CABP1: variants seen among roughly 807,000 people sequenced by gnomAD.
The protein encoded by CABP1 is calcium-binding protein 1.
Under a neutral mutation model 34.3 loss-of-function variants are expected in CABP1, and 17 were observed. That is an observed-to-expected ratio of 0.50 (90% CI 0.34 to 0.74). The LOEUF is 0.74. Ranked by LOEUF, CABP1 falls within the 30% of genes least tolerant of loss-of-function variation. The probability of loss-of-function intolerance (pLI) is 0.01; values close to 1 mark genes in which losing one functional copy is unlikely to be tolerated. For synonymous variants in CABP1, 198 were observed against 229.2 expected (o/e 0.86, Z 1.23); for missense variants, 373 against 511.1 (o/e 0.73, Z 2.61).
rs766423306 is a variant in CABP1 at position 120,661,238 on chromosome 12, G to A, written c.1087+20G>A. On this transcript the variant is annotated intron_variant, in intron 5 of 5. Transcript: ENST00000316803. The surrounding 1 kb of genome is among the most constrained non-coding windows in gnomAD (Gnocchi z 5.1). ...TTGAAGGTAGGTGGGGCTTGAAAGT[G>A]GGAGAGAAGCAAGCCAGCAGTGGCC... 9.4e-6 allele frequency: 15 copies of A among 1,599,084 alleles called. No homozygotes were observed. The highest frequency in any genetic ancestry group is 1.3e-5 in the Non-Finnish European group (15 of 1,177,808).
downstream of CABP1, among the ~76,000 whole-genome samples, chr12:120,668,919 A>T (rs933186493): frequency 1.3e-4 from 20 of 152,076 alleles, no homozygotes; most frequent in Non-Finnish European, 2.5e-4. Context: ...GATCTGGGCC[A>T]CCCCCGCAGT....
the CABP1 span, among the ~76,000 whole-genome samples, chr12:120,673,749 A>G: frequency 6.6e-6 from 1 of 152,168 alleles, no homozygotes; most frequent in Non-Finnish European, 1.5e-5. Flanking sequence ...AGATGATGTT[A>G]TAGGGAGGCA....
chr12:120,660,252 C>T lies in CABP1; in HGVS notation c.742C>T (p.Arg248Trp). 6.2e-7 allele frequency: 1 copy of T among 1,614,166 alleles called. No homozygotes were observed. ...GGACAAGGATGGCTACATCAACTGC[C>T]GGGATCTGGGCAACTGCATGCGCAC... ...DKDKDGYINC[R>W]DLGNCMRTMG... Residue 248 changes from arginine to tryptophan, a missense_variant, in exon 3 of 6, where the codon CGG (arginine) becomes TGG (tryptophan). Arg to Trp is a moderately radical substitution (Grantham distance 101). Around this residue, in one of 4 missense-constraint regions of CABP1, gnomAD observed 109 missense variants for 204.8 expected, o/e 0.53. Transcript: ENST00000316803. This position sits in a 1 kb window ranked among gnomAD's most constrained non-coding sequence, Gnocchi z 5.0.
the CABP1 span, among the ~76,000 whole-genome samples, chr12:120,679,073 C>CAAA: frequency 3.2e-3 from 278 of 86,804 alleles, no homozygotes; most frequent in Admixed American, 3.8e-3. Flanking sequence ...ACACCATCTC[C>CAAA]AAAAAAAAAA....
At chr12:120,644,906 G>A (rs1018243217) in intron 1 of CABP1, among the ~76,000 whole-genome samples, 1 of 152,216 alleles carries the variant, frequency 6.6e-6, no homozygotes, top group African/African-American at 2.4e-5. Flanking sequence ...CAAGATTCAA[G>A]CCATTCACGT....
intron 1 of CABP1, among the ~76,000 whole-genome samples, chr12:120,653,228 CCAT>C (rs1879958778): frequency 6.6e-6 from 1 of 152,194 alleles, no homozygotes; most frequent in Non-Finnish European, 1.5e-5. Flanking sequence ...ACTGCCACCA[CCAT>C]CATCATCGCC....
chr12:120,643,740 T>G (rs1260339847), intron 1 of CABP1, among the ~76,000 whole-genome samples: 1 of 152,224 alleles, frequency 6.6e-6, no homozygotes, highest in Non-Finnish European at 1.5e-5. Flanking sequence ...CAAGTCTATT[T>G]CTTTACCTGC....
intron 1 of CABP1, among the ~76,000 whole-genome samples, chr12:120,650,874 G>T (rs1879801707): frequency 7.3e-6 from 1 of 137,202 alleles, no homozygotes; most frequent in African/African-American, 2.5e-5. Context: ...TTTGGGCATG[G>T]CGGTCGGGGT....
At chr12:120,658,302 C>T (rs1241323509) in intron 1 of CABP1, among the ~76,000 whole-genome samples, 2 of 151,684 alleles carry the variant, frequency 1.3e-5, no homozygotes, top group Non-Finnish European at 1.5e-5. Flanking sequence ...CTCACTATAT[C>T]GCCCAGGCTG....
At chr12:120,671,278 G>A (rs902519236), downstream of CABP1, among the ~76,000 whole-genome samples, 3 of 152,186 alleles carry the variant, frequency 2.0e-5, no homozygotes, top group Admixed American at 6.6e-5. Flanking sequence ...GGTGGTGCGC[G>A]CCTGCAATCC....
intron 1 of CABP1, chr12:120,656,336 G>C (rs866865211): frequency 1.4e-6 from 2 of 1,427,118 alleles, no homozygotes; most frequent in Non-Finnish European, 1.9e-6. Flanking sequence ...GAGGTGCTGG[G>C]ATGAAGAAGG....
Position 120,661,221 on chromosome 12 carries a change from A to T in CABP1, c.1087+3A>T. 1 of 1,604,558 alleles carries T rather than the reference A, an allele frequency of 6.2e-7. No individual in the cohort carries two copies. Among genetic ancestry groups the T allele is most frequent in the Non-Finnish European group, 8.5e-7 (1 of 1,179,048 alleles). ...GGATGGACGAGTGGACTTTGAAGGT[A>T]GGTGGGGCTTGAAAGTGGGAGAGAA... On this transcript the variant is annotated splice_donor_region_variant and intron_variant, in intron 5 of 5. Transcript: ENST00000316803. The surrounding 1 kb of genome is among the most constrained non-coding windows in gnomAD (Gnocchi z 5.1).
intron 1 of CABP1, among the ~76,000 whole-genome samples, chr12:120,644,508 G>T (rs1879464479): frequency 6.6e-6 from 1 of 152,168 alleles, no homozygotes; most frequent in Non-Finnish European, 1.5e-5. Flanking sequence ...GCAGAGGCAT[G>T]ATGACATGGG....
At chr12:120,652,463 G>C (rs933885949) in intron 1 of CABP1, among the ~76,000 whole-genome samples, 34 of 151,918 alleles carry the variant, frequency 2.2e-4, no homozygotes, top group African/African-American at 8.2e-4. Context: ...AGAGAAAGAA[G>C]CTGGACTCAG....
At chr12:120,665,160 T>C (rs1291181027) in intron 5 of CABP1, among the ~76,000 whole-genome samples, 2 of 152,020 alleles carry the variant, frequency 1.3e-5, no homozygotes, top group Non-Finnish European at 2.9e-5. Context: ...CAGTGGCACA[T>C]GCCTGTAATC....
chr12:120,676,429 TCTTC>T, the CABP1 span, among the ~76,000 whole-genome samples: 4 of 149,096 alleles, frequency 2.7e-5, no homozygotes, highest in Middle Eastern at 3.4e-3. Context: ...TCTTTCTTCT[TCTTC>T]TTTTTTTTTT....
At position 120,650,829 on chromosome 12, in the gene CABP1, A is replaced by G. The variant is rs1879798893; in HGVS notation, c.655-9049A>G. On this transcript the variant is annotated intron_variant, in intron 1 of 5. Transcript: ENST00000316803. ...GGGCTGCCTCCCTGCTTCTACCCCAAACACCCTCCTATTGCCGTTTTCTGT... is the reference window on the plus strand; with the variant it reads ...GGGCTGCCTCCCTGCTTCTACCCCAGACACCCTCCTATTGCCGTTTTCTGT... 3 of 789,904 alleles carry G rather than the reference A, an allele frequency of 3.8e-6. 1 individual carries two copies. The highest frequency in any genetic ancestry group is 5.2e-5 in the East Asian group (2 of 38,300). 48.9% of individuals were successfully genotyped at this position (789,904 alleles called of 1,614,324 possible). A position where few individuals can be genotyped will look rare whatever the true frequency, so the allele number is the denominator to read the frequency against.
intron 1 of CABP1, chr12:120,650,792 G>C: frequency 8.7e-7 from 1 of 1,153,936 alleles, no homozygotes; most frequent in Non-Finnish European, 1.3e-6. Flanking sequence ...TCCTTCCCAG[G>C]GGTTCTGTCC....
In CABP1 at chr12:120,657,033, C is replaced by T. The variant is rs371767972; in HGVS notation, c.655-2845C>T. Among the ~76,000 whole-genome samples, 32 of 152,312 alleles carry T rather than the reference C, an allele frequency of 2.1e-4. No individual in the cohort carries two copies. In the South Asian group the frequency reaches 4.8e-3, roughly 23 times the overall value. On this transcript the variant is annotated intron_variant, in intron 1 of 5. Transcript: ENST00000316803. ...GTGCTCCTAATGACAACTCTGTATA[C>T]GTGGCACTGTCCGGTAGAACTTTCT...
Sources: allele counts gnomAD v4.1 joint callset (sites outside exome capture counted in the v4.1 genomes callset), GRCh38; gene constraint gnomAD v4.1.1; regional missense constraint gnomAD v4.1.1; non-coding constraint Gnocchi (gnomAD v3.1); transcripts MANE v1.5; gene names NCBI Gene and HGNC (gene_info 2026-07-23, HGNC 2026-07-21).